Variants in IKZF1 observed in about 807,000 individuals in gnomAD.
IKZF1 encodes IKAROS family zinc finger 1.
IKZF1 carries 10 observed loss-of-function variants against 51.7 expected under a neutral mutation model. That is an observed-to-expected ratio of 0.19 (90% confidence interval 0.12 to 0.33). IKZF1 has a LOEUF of 0.33. Ranked by LOEUF, IKZF1 falls within the 10% of genes least tolerant of loss-of-function variation. The probability of loss-of-function intolerance (pLI) is 1.00; values close to 1 mark genes in which losing one functional copy is unlikely to be tolerated. For missense variants in IKZF1, 484 were observed against 707.5 expected (o/e 0.68, Z 3.58); for synonymous variants, 280 against 282.3 (o/e 0.99, Z 0.08).
intron 3 of IKZF1, among the ~76,000 whole-genome samples, chr7:50,357,765 G>A (rs888084754): frequency 2.5e-4 from 38 of 152,308 alleles, no homozygotes; most frequent in Middle Eastern, 6.8e-3. Context: ...CAGCTAGGAC[G>A]CGAAGACTTG....
intron 7 of IKZF1, among the ~76,000 whole-genome samples, chr7:50,396,391 T>A (rs1346711398): frequency 6.6e-6 from 1 of 152,220 alleles, no homozygotes; most frequent in Non-Finnish European, 1.5e-5. Context: ...TTGCTCCTTA[T>A]TTTGTCTCCT....
chr7:50,369,672 T>A (rs1808080482), intron 3 of IKZF1: 1 of 397,854 alleles, frequency 2.5e-6, no homozygotes, highest in Non-Finnish European at 4.4e-6. Context: ...CCTCTTTTCT[T>A]CTTGAAAATT....
intron 3 of IKZF1, chr7:50,368,616 C>CTCTG (rs1807723724): frequency 2.4e-6 from 1 of 413,322 alleles, no homozygotes; most frequent in South Asian, 5.8e-5. Flanking sequence ...GCAGGACCTT[C>CTCTG]TCTGATCTGA....
Position 50,401,786 on chromosome 7 carries a change from C to T in IKZF1, c.*1159C>T. On this transcript the variant is annotated 3_prime_UTR_variant, in exon 8 of 8. Transcript: ENST00000331340. ...GTGATTTAGAACAGTCATTAATTTT[C>T]AACTCAATGAAATATGTGAAGCCCA... 1 of 221,754 alleles carries T rather than the reference C, an allele frequency of 4.5e-6. No homozygotes were observed. The highest frequency in any genetic ancestry group is 9.0e-6 in the Non-Finnish European group (1 of 110,750). The allele number at this position is 221,754 out of a possible 1,614,324, so 13.7% of individuals were successfully genotyped here.
intron 4 of IKZF1, among the ~76,000 whole-genome samples, chr7:50,378,039 A>G (rs1265670299): frequency 6.6e-6 from 1 of 152,264 alleles, no homozygotes; most frequent in Non-Finnish European, 1.5e-5. Context: ...GTGGGGGCGA[A>G]CAAAAATATG....
intron 1 of IKZF1, among the ~76,000 whole-genome samples, chr7:50,314,379 G>A (rs1176205789): frequency 6.6e-6 from 1 of 152,174 alleles, no homozygotes; most frequent in Non-Finnish European, 1.5e-5. Context: ...CAAAGTGCTG[G>A]GATTACTGGC....
chr7:50,334,504 T>C (rs1797147139), intron 3 of IKZF1, among the ~76,000 whole-genome samples: 1 of 151,942 alleles, frequency 6.6e-6, no homozygotes, highest in African/African-American at 2.4e-5. Flanking sequence ...TGTGTGCATG[T>C]ATGTGTGTGG....
At chr7:50,346,654 T>C (rs1036832952) in intron 3 of IKZF1, among the ~76,000 whole-genome samples, 2 of 152,170 alleles carry the variant, frequency 1.3e-5, no homozygotes, top group Non-Finnish European at 2.9e-5. Context: ...TTCCAGGGAA[T>C]GCAGAATGAA....
intron 2 of IKZF1, among the ~76,000 whole-genome samples, chr7:50,323,929 G>A (rs1432615846): frequency 2.0e-5 from 3 of 152,106 alleles, no homozygotes; most frequent in Non-Finnish European, 2.9e-5. Context: ...CTTGAGGAAA[G>A]GAGTCTTAAA....
intron 2 of IKZF1, 95 bp from the exon 3 acceptor site, chr7:50,327,543 G>C: frequency 4.9e-6 from 7 of 1,430,978 alleles, no homozygotes; most frequent in Middle Eastern, 2.2e-4. Context: ...CCCAGTACCT[G>C]CCTCCTCATG....
intron 3 of IKZF1, among the ~76,000 whole-genome samples, chr7:50,336,244 T>C (rs1038714716): frequency 2.7e-5 from 4 of 148,994 alleles, no homozygotes; most frequent in Non-Finnish European, 6.0e-5. Flanking sequence ...GAGCCCTGCC[T>C]GGCCCCGGCG....
chr7:50,392,724 G>T (rs1336401893), intron 7 of IKZF1, among the ~76,000 whole-genome samples: 1 of 152,212 alleles, frequency 6.6e-6, no homozygotes, highest in Non-Finnish European at 1.5e-5. Flanking sequence ...CCGGAAAGAG[G>T]ACCAGTAAAA....
chr7:50,346,444 A>C (rs1327781475), intron 3 of IKZF1, among the ~76,000 whole-genome samples: 3 of 152,192 alleles, frequency 2.0e-5, no homozygotes, highest in East Asian at 3.8e-4. Context: ...CAGCCCTTCA[A>C]ATCATTGACA....
At chr7:50,383,527 T>G (rs772575968) in intron 5 of IKZF1, among the ~76,000 whole-genome samples, 5 of 152,224 alleles carry the variant, frequency 3.3e-5, no homozygotes, top group Non-Finnish European at 7.3e-5. Flanking sequence ...ATGGATCATG[T>G]TTGCCTACAG....
At chr7:50,363,433 C>T (rs1052444031) in intron 3 of IKZF1, among the ~76,000 whole-genome samples, 2 of 152,060 alleles carry the variant, frequency 1.3e-5, no homozygotes, top group African/African-American at 2.4e-5. Context: ...GCAGAGTTGA[C>T]ATCATCAGGA....
chr7:50,338,136 C>G (rs969066410), intron 3 of IKZF1, among the ~76,000 whole-genome samples: 1 of 152,008 alleles, frequency 6.6e-6, no homozygotes, highest in African/African-American at 2.4e-5. Context: ...AAATGCCAAA[C>G]CTTGCATTTT....
intron 1 of IKZF1, among the ~76,000 whole-genome samples, chr7:50,305,536 T>G (rs866647535): frequency 6.6e-6 from 1 of 152,158 alleles, no homozygotes; most frequent in Non-Finnish European, 1.5e-5. Flanking sequence ...TGTTTTTCCT[T>G]CTAATTTGGA....
chr7:50,355,300 A>G (rs1273652008), intron 3 of IKZF1, among the ~76,000 whole-genome samples: 3 of 152,200 alleles, frequency 2.0e-5, no homozygotes, highest in African/African-American at 7.2e-5. Context: ...CACTCGGATG[A>G]TCCTGCCTAG....
chr7:50,382,003 G>T (rs569117496), intron 4 of IKZF1, among the ~76,000 whole-genome samples: 5 of 152,220 alleles, frequency 3.3e-5, no homozygotes, highest in Admixed American at 3.3e-4. Context: ...GAAAATACAG[G>T]GAAAATGTAA....
Sources: allele counts gnomAD v4.1 joint callset (sites outside exome capture counted in the v4.1 genomes callset), GRCh38; gene constraint gnomAD v4.1.1; transcripts MANE v1.5; gene names NCBI Gene and HGNC (gene_info 2026-07-23, HGNC 2026-07-21).